The following GALNT17 variants were observed in gnomAD, a reference collection of about 807,000 sequenced individuals.
The protein encoded by GALNT17 is polypeptide N-acetylgalactosaminyltransferase 17.
Under a neutral mutation model 63.7 loss-of-function variants are expected in GALNT17, and 29 were observed. That is an observed-to-expected ratio of 0.46 (90% CI 0.34 to 0.62). The LOEUF (loss-of-function observed/expected upper bound fraction) is 0.62. GALNT17 is among the 20% of genes least tolerant of loss of function. The pLI, the probability that GALNT17 is intolerant of heterozygous loss-of-function variation, is 0.01. For synonymous variants in GALNT17, 305 were observed against 318.3 expected (o/e 0.96, Z 0.45); for missense variants, 603 against 799.6 (o/e 0.75, Z 2.97).
chr7:71,525,760 G>A (rs1207707459), intron 5 of GALNT17, among the ~76,000 whole-genome samples: 10 of 99,818 alleles, frequency 1.0e-4, no homozygotes, highest in Non-Finnish European at 1.5e-4. Flanking sequence ...TTTTTTTTGA[G>A]ATGGTGTCTT....
At chr7:71,403,183 G>C (rs531785528) in intron 3 of GALNT17, among the ~76,000 whole-genome samples, 65 of 152,240 alleles carry the variant, frequency 4.3e-4, no homozygotes, top group African/African-American at 1.4e-3. Context: ...AAAACAAGAA[G>C]AACAACAACA....
rs142019388 is a variant in GALNT17 at position 71,634,277 on chromosome 7, G to A, written c.1081-31134G>A. Among the ~76,000 whole-genome samples the A allele has an allele frequency of 1.8e-4, 27 of 152,192 alleles. No individual in the cohort carries two copies. The East Asian group carries it at 4.8e-3, about 27-fold the overall frequency. ...TCAGATTTGCACTTTTGGGGGGTCC[G>A]TTTGTTGACAAAAAGAGTCAAACTC... is the stretch of plus-strand genomic sequence containing the variant. On this transcript the variant is annotated intron_variant, in intron 6 of 10. Transcript: ENST00000333538.
At chr7:71,662,332 A>G (rs4433028) in intron 6 of GALNT17, among the ~76,000 whole-genome samples, 4 of 151,110 alleles carry the variant, frequency 2.6e-5, no homozygotes, top group African/African-American at 7.3e-5. Flanking sequence ...CTATCTATCT[A>G]TCTGTCTGTC....
chr7:71,362,498 G>C (rs1033912853), intron 2 of GALNT17, among the ~76,000 whole-genome samples: 2 of 152,146 alleles, frequency 1.3e-5, no homozygotes, highest in Admixed American at 1.3e-4. Flanking sequence ...CTGGTGATTT[G>C]CAGAGTGCTT....
intron 5 of GALNT17, among the ~76,000 whole-genome samples, chr7:71,438,592 C>T (rs1041342197): frequency 4.6e-5 from 7 of 152,112 alleles, no homozygotes; most frequent in African/African-American, 1.4e-4. Flanking sequence ...AATAATAGTA[C>T]TGTCTTATAG....
intron 6 of GALNT17, among the ~76,000 whole-genome samples, chr7:71,633,103 CA>C (rs71089970): frequency 0.39 from 28,281 of 72,476 alleles, 2,701 homozygotes; most frequent in East Asian, 0.59. Flanking sequence ...GACTCTGTCT[CA>C]AAAAAAAAAA....
At chr7:71,692,440 G>T (rs1791461013) in intron 9 of GALNT17, among the ~76,000 whole-genome samples, 1 of 152,064 alleles carries the variant, frequency 6.6e-6, no homozygotes, top group Admixed American at 6.5e-5. Context: ...GGACAAGGAG[G>T]GGGACGTAAA....
intron 6 of GALNT17, among the ~76,000 whole-genome samples, chr7:71,572,926 C>A (rs1789472527): frequency 6.6e-6 from 1 of 152,138 alleles, no homozygotes; most frequent in Admixed American, 6.6e-5. Flanking sequence ...TCCTGTCCAC[C>A]AACACCCCTG....
chr7:71,139,198 A>T (rs141834368), intron 1 of GALNT17, among the ~76,000 whole-genome samples: 1 of 152,084 alleles, frequency 6.6e-6, no homozygotes, highest in African/African-American at 2.4e-5. Context: ...GTTCAGGAAT[A>T]CCAGGGTACT....
intron 6 of GALNT17, among the ~76,000 whole-genome samples, chr7:71,650,298 G>A (rs942041155): frequency 3.9e-5 from 6 of 152,190 alleles, no homozygotes; most frequent in Admixed American, 1.3e-4. Context: ...CGCCGAGGCT[G>A]GAGCACAGTG....
chr7:71,259,226 C>T (rs1790339048), intron 1 of GALNT17, among the ~76,000 whole-genome samples: 1 of 152,118 alleles, frequency 6.6e-6, no homozygotes, highest in Non-Finnish European at 1.5e-5. Flanking sequence ...TGGATCAAAG[C>T]TGCAGATCTC....
intron 1 of GALNT17, among the ~76,000 whole-genome samples, chr7:71,273,366 C>T (rs1790627015): frequency 6.6e-6 from 1 of 152,164 alleles, no homozygotes; most frequent in African/African-American, 2.4e-5. Context: ...CTATTTGTTT[C>T]ACTGCTCAAT....
intron 1 of GALNT17, among the ~76,000 whole-genome samples, chr7:71,134,812 A>G (rs1157550946): frequency 8.4e-6 from 1 of 118,854 alleles, no homozygotes; most frequent in African/African-American, 3.1e-5. Flanking sequence ...AGGTTAGTTT[A>G]GTATCAGTTT....
intron 1 of GALNT17, among the ~76,000 whole-genome samples, chr7:71,289,339 C>T (rs553082406): frequency 4.6e-5 from 7 of 151,932 alleles, no homozygotes; most frequent in Admixed American, 2.0e-4. Flanking sequence ...GGATCATACA[C>T]GTAAATACAG....
intron 1 of GALNT17, among the ~76,000 whole-genome samples, chr7:71,181,598 T>G (rs2116314525): frequency 6.6e-6 from 1 of 152,232 alleles, no homozygotes; most frequent in East Asian, 1.9e-4. Context: ...CTGGGCACGG[T>G]GGCTCATGCC....
At chr7:71,342,775 TC>T (rs1792027867) in intron 2 of GALNT17, among the ~76,000 whole-genome samples, 1 of 152,196 alleles carries the variant, frequency 6.6e-6, no homozygotes. Context: ...GTATTACACA[TC>T]AAGAAATACT....
chr7:71,207,114 A>C (rs1468495081), intron 1 of GALNT17, among the ~76,000 whole-genome samples: 1 of 152,040 alleles, frequency 6.6e-6, no homozygotes, highest in Non-Finnish European at 1.5e-5. Context: ...TCAAAGAAAA[A>C]AAAAAAAGAC....
chr7:71,468,329 C>A (rs1278165809), intron 5 of GALNT17, among the ~76,000 whole-genome samples: 1 of 152,090 alleles, frequency 6.6e-6, no homozygotes, highest in East Asian at 1.9e-4. Context: ...CACACCCAGT[C>A]TTTTCTAGGG....
intron 1 of GALNT17, among the ~76,000 whole-genome samples, chr7:71,263,375 A>C (rs1790421920): frequency 6.6e-6 from 1 of 152,070 alleles, no homozygotes; most frequent in East Asian, 1.9e-4. Context: ...CAAAACAAAA[A>C]AACAAGAAGC....
Sources: gnomAD v4.1 joint callset for allele counts (sites outside exome capture counted in the v4.1 genomes callset) on GRCh38, gnomAD v4.1.1 for gene constraint, MANE v1.5 for transcripts, NCBI Gene and HGNC (gene_info 2026-07-23, HGNC 2026-07-21) for gene names.